Variants in NDNF observed in about 807,000 individuals in gnomAD.
The protein encoded by NDNF is neuron derived neurotrophic factor, also known as protein NDNF.
A neutral mutation model predicts 42.0 loss-of-function variants in NDNF; 16 were observed. The observed-to-expected ratio is 0.38, with a 90% CI of 0.26 to 0.58. The LOEUF (loss-of-function observed/expected upper bound fraction) is 0.58. Ranked by LOEUF, NDNF falls within the 20% of genes least tolerant of loss-of-function variation. The pLI is 0.67. For missense variants in NDNF, 616 were observed against 666.2 expected, an observed-to-expected ratio of 0.92 and a Z score of 0.83; for synonymous variants, 248 against 251.7, an observed-to-expected ratio of 0.99 and a Z score of 0.14.
intron 2 of NDNF, among the ~76,000 whole-genome samples, chr4:121,040,589 C>T (rs1726980484): frequency 1.3e-5 from 2 of 152,214 alleles, no homozygotes; most frequent in South Asian, 4.1e-4. Flanking sequence ...CAATATAACG[C>T]TGTATTCACA....
chr4:121,046,470 A>G (rs968602619), intron 1 of NDNF, among the ~76,000 whole-genome samples: 1 of 152,216 alleles, frequency 6.6e-6, no homozygotes, highest in Non-Finnish European at 1.5e-5. Flanking sequence ...AAGGATTTTT[A>G]TAAATCATAA....
chr4:121,064,769 CACAT>C (rs2148772356), intron 1 of NDNF, among the ~76,000 whole-genome samples: 1 of 152,126 alleles, frequency 6.6e-6, no homozygotes, highest in African/African-American at 2.4e-5. Context: ...TCTGAATACA[CACAT>C]ACATACTTAT....
At chr4:121,051,619 T>C (rs965839206) in intron 1 of NDNF, among the ~76,000 whole-genome samples, 2 of 152,208 alleles carry the variant, frequency 1.3e-5, no homozygotes, top group East Asian at 1.9e-4. Flanking sequence ...AGAATGTCTA[T>C]AGCAGTTCTA....
chr4:121,041,726 A>T (rs1579310617), intron 2 of NDNF, among the ~76,000 whole-genome samples: 1 of 152,260 alleles, frequency 6.6e-6, no homozygotes, highest in Admixed American at 6.5e-5. Flanking sequence ...TCCAACAAAC[A>T]TTCCTTGAGA....
At position 121,036,558 on chromosome 4, in the gene NDNF, G is replaced by T; in HGVS notation, c.1413C>A (p.Gly471=). 1 of 1,614,008 alleles carries T rather than the reference G, an allele frequency of 6.2e-7. No individual in the cohort carries two copies. The highest frequency in any genetic ancestry group is 2.2e-5 in the East Asian group (1 of 44,874). Residue 471 remains glycine (G), a synonymous_variant, in exon 4 of 4, where the codon GGC becomes GGA. Transcript: ENST00000379692. ...TCSSATVAWL[G]TQERNKFCIY... ...TGCAAAACTTGTTCCTTTCCTGAGT[G>T]CCTAGCCAAGCCACGGTGGCTGAGG...
At chr4:121,050,278 A>C (rs1727171862) in intron 1 of NDNF, among the ~76,000 whole-genome samples, 1 of 152,246 alleles carries the variant, frequency 6.6e-6, no homozygotes, top group South Asian at 2.1e-4. Flanking sequence ...CTTGTTAAGC[A>C]TAAGCCTTAA....
chr4:121,058,891 A>AAGAT (rs139784543), intron 1 of NDNF, among the ~76,000 whole-genome samples: 2,042 of 152,068 alleles, frequency 0.013, 54 homozygotes, highest in African/African-American at 0.046. Context: ...AATTAAAAGT[A>AAGAT]AGATGGCTTC....
At chr4:121,064,402 C>T (rs1408003439) in intron 1 of NDNF, among the ~76,000 whole-genome samples, 1 of 152,030 alleles carries the variant, frequency 6.6e-6, no homozygotes, top group Non-Finnish European at 1.5e-5. Context: ...CATTAGTTAA[C>T]AACTGACAAC....
chr4:121,070,883 T>C (rs1232724501), intron 1 of NDNF, among the ~76,000 whole-genome samples: 1 of 152,012 alleles, frequency 6.6e-6, no homozygotes, highest in East Asian at 1.9e-4. Context: ...AACCGCAACT[T>C]GGCCGGAGGG....
rs2148768372 is a variant in NDNF, at chr4:121,054,419, T to C, written c.-1-8581A>G. On this transcript the variant is annotated intron_variant, in intron 1 of 3. Coordinates refer to ENST00000379692, the MANE Select transcript of NDNF (RefSeq NM_024574.4). ...CAGTGGTGACCTCAGGAAGTGAGTG[T>C]TCTAGTGGGAGTGACAGGCAACACA... 1.3e-5 allele frequency among the ~76,000 whole-genome samples: 2 copies of C among 152,306 alleles called. 1 individual carries two copies. The highest frequency in any genetic ancestry group is 4.1e-4 in the South Asian group (2 of 4,828).
chr4:121,038,510 C>A (rs143420856), intron 3 of NDNF, among the ~76,000 whole-genome samples: 4 of 152,038 alleles, frequency 2.6e-5, no homozygotes, highest in Non-Finnish European at 4.4e-5. Flanking sequence ...ATTTTGTTAC[C>A]GTAAGTATCA....
intron 3 of NDNF, 116 bp downstream of exon 3, chr4:121,039,814 G>T: frequency 8.4e-7 from 1 of 1,185,920 alleles, no homozygotes; most frequent in Non-Finnish European, 1.1e-6. Context: ...CATACCTCCA[G>T]ATTCACTTGT....
At chr4:121,056,667 T>C (rs1026137181) in intron 1 of NDNF, among the ~76,000 whole-genome samples, 2 of 152,366 alleles carry the variant, frequency 1.3e-5, no homozygotes, top group East Asian at 3.9e-4. Context: ...ATATGTACTA[T>C]CTTCTTAAAG....
intron 1 of NDNF, among the ~76,000 whole-genome samples, chr4:121,046,282 C>G (rs1560605536): frequency 6.6e-6 from 1 of 152,152 alleles, no homozygotes; most frequent in Non-Finnish European, 1.5e-5. Flanking sequence ...AGTCAAGTTG[C>G]TAATTGCTGA....
In NDNF at chr4:121,037,570, T is replaced by G; in HGVS notation, c.401A>C (p.Glu134Ala). ...ELFSYKGNDV[E>A]YFISSSSPSG... is the part of the protein sequence containing the mutation. ...TGGGGAACTAGACGATATAAAATACTCAACATCATTGCCTTTGTAGGAGAA... is the reference window on the plus strand; with the variant it reads ...TGGGGAACTAGACGATATAAAATACGCAACATCATTGCCTTTGTAGGAGAA... The change falls in exon 4 of 4, where the codon GAG becomes GCG. Residue 134 changes from glutamate to alanine, a missense_variant. Glu to Ala is a moderately radical substitution (Grantham distance 107). Coordinates refer to ENST00000379692, the MANE Select transcript of NDNF (RefSeq NM_024574.4). The G allele has an allele frequency of 6.2e-7, 1 of 1,613,572 alleles. No individual in the cohort carries two copies.
In NDNF at chr4:121,037,669, A is replaced by G; in HGVS notation, c.314-12T>C. ...AGGTTCCAGATCACCTAGAAAATAC[A>G]GGAGAAGCACAGGCTACTGTCAGGG... On this transcript the variant is annotated splice_polypyrimidine_tract_variant and intron_variant, in intron 3 of 3. Transcript: ENST00000379692. 2 of 1,559,272 alleles carry G rather than the reference A, an allele frequency of 1.3e-6. No homozygotes were observed. The highest frequency in any genetic ancestry group is 1.7e-6 in the Non-Finnish European group (2 of 1,159,474).
At chr4:121,039,182 GTGTGTGTGTGTA>G (rs1232584206) in intron 3 of NDNF, among the ~76,000 whole-genome samples, 1,259 of 13,624 alleles carry the variant, frequency 0.092, 9 homozygotes, top group Non-Finnish European at 0.13. Context: ...AAGACTATGT[GTGTGTGTGTGTA>G]TATATATATA....
At chr4:121,061,065 T>A (rs1322328349) in intron 1 of NDNF, 1 of 152,114 alleles carries the variant, frequency 6.6e-6, no homozygotes, top group African/African-American at 2.4e-5. Flanking sequence ...GGCACACAAG[T>A]ATGCAGTTAA....
intron 2 of NDNF, among the ~76,000 whole-genome samples, chr4:121,043,525 A>T (rs184190299): frequency 1.0e-3 from 153 of 152,322 alleles, no homozygotes; most frequent in African/African-American, 3.3e-3. Flanking sequence ...AAAGATAAAT[A>T]TAAAGAATGA....
Sources: allele counts gnomAD v4.1 joint callset (sites outside exome capture counted in the v4.1 genomes callset), GRCh38; gene constraint gnomAD v4.1.1; transcripts MANE v1.5; gene names NCBI Gene and HGNC (gene_info 2026-07-23, HGNC 2026-07-21).